The following TOM1L2 variants were observed in gnomAD, a reference collection of about 807,000 sequenced individuals.
The protein encoded by TOM1L2 is target of myb1 like 2 membrane trafficking protein, also known as TOM1-like protein 2.
A neutral mutation model predicts 67.9 loss-of-function variants in TOM1L2; 31 were observed. The ratio of observed to expected loss-of-function variants is 0.46; its 90% CI spans 0.34 to 0.62. The LOEUF (loss-of-function observed/expected upper bound fraction) is 0.62, where lower values mean the gene tolerates loss of function less well. Ranked by LOEUF, TOM1L2 falls within the 20% of genes least tolerant of loss-of-function variation. TOM1L2 has a pLI of 0.01. For missense variants in TOM1L2, 606 were observed against 663.5 expected (o/e 0.91, Z 0.95); for synonymous variants, 256 against 254.0 (o/e 1.01, Z -0.07).
Position 17,866,909 on chromosome 17 carries a change from C to G in TOM1L2, c.927G>C (p.Arg309Ser), listed in dbSNP as rs930707964. Reference protein sequence around the residue: ...FLRYERFERYRSGRSVQNASN... With the variant: ...FLRYERFERYSSGRSVQNASN... The stretch of plus-strand genomic sequence containing the variant: ...TGGCATTTTGAACGGATCGGCCAGA[C>G]CTGTATCGTTCGAACCTAACAGGGG... Residue 309 changes from arginine (R) to serine (S), a missense_variant, in exon 9 of 15, where the codon AGG becomes AGC. Physicochemically the swap from Arg to Ser is moderately radical, Grantham distance 110 (BLOSUM62 -1). Around this residue, in one of 2 missense-constraint regions of TOM1L2, gnomAD observed 543 missense variants for 554.0 expected, o/e 0.98. Coordinates refer to ENST00000379504, the MANE Select transcript of TOM1L2 (RefSeq NM_001082968.2). The G allele has an allele frequency of 6.2e-7, 1 of 1,614,004 alleles. No homozygotes were observed. The highest frequency in any genetic ancestry group is 1.1e-5 in the South Asian group (1 of 91,080).
chr17:17,850,944 A>G lies in TOM1L2; in HGVS notation c.1287T>C (p.Val429=). The change falls in exon 13 of 15, where the codon GTT becomes GTC. Residue 429 remains valine (V), a synonymous_variant. Transcript: ENST00000379504. ...TGTCGTCCATGACAGATGGCTGCGC[A>G]ACGGGGATCTATGGAGGCGGCAAGC... ...NRKQSSEGIP[V]AQPSVMDDIE... 1 of 1,613,936 alleles carries G rather than the reference A, an allele frequency of 6.2e-7. No homozygotes were observed. Among genetic ancestry groups the G allele is most frequent in the South Asian group, 1.1e-5 (1 of 91,086 alleles).
At position 17,921,025 on chromosome 17, in the gene TOM1L2, G is replaced by C. The variant is rs548736625; in HGVS notation, c.53-13494C>G. On this transcript the variant is annotated intron_variant, in intron 1 of 14. Transcript: ENST00000379504. ...TTAACTGAACTCCAGATGTTATTTGGATTTCTCCAGTTTTTCCAATAATGC... is the reference window on the plus strand; with the variant it reads ...TTAACTGAACTCCAGATGTTATTTGCATTTCTCCAGTTTTTCCAATAATGC... Among the ~76,000 whole-genome samples, 3 of 152,266 alleles carry C rather than the reference G, an allele frequency of 2.0e-5. No individual in the cohort carries two copies. In the South Asian group the frequency reaches 6.2e-4, roughly 32 times the overall value.
intron 1 of TOM1L2, among the ~76,000 whole-genome samples, chr17:17,964,654 A>G (rs577814180): frequency 1.3e-5 from 2 of 152,318 alleles, no homozygotes; most frequent in East Asian, 3.9e-4. Context: ...GCACTTTGGG[A>G]GGCTGAAGCG....
chr17:17,882,710 C>T lies in TOM1L2; in HGVS notation c.655G>A (p.Glu219Lys). ...GCCCCGAAGTATGCAAGTACCTGTT[C>T]TGAATTGGCTGTGATGGGGCCAGTC... ...SVTGPITANSEQIARLRSELD... is the reference protein window; with the variant it reads ...SVTGPITANSKQIARLRSELD... Residue 219 changes from glutamate to lysine, a missense_variant, in exon 6 of 15, where the codon GAA (glutamate) becomes AAA (lysine). This residue lies in a region of TOM1L2 where 543 missense variants were observed against 554.0 expected (regional missense o/e 0.98). Coordinates refer to ENST00000379504, the MANE Select transcript of TOM1L2 (RefSeq NM_001082968.2). The T allele has an allele frequency of 6.2e-7, 1 of 1,614,142 alleles. No individual in the cohort carries two copies. Among genetic ancestry groups the T allele is most frequent in the Non-Finnish European group, 8.5e-7 (1 of 1,179,976 alleles).
intron 7 of TOM1L2, among the ~76,000 whole-genome samples, chr17:17,873,018 A>G (rs892607520): frequency 2.0e-5 from 3 of 152,242 alleles, no homozygotes; most frequent in African/African-American, 7.2e-5. Flanking sequence ...CCCACAGGCC[A>G]TCTTCAAATA....
At chr17:17,866,482 C>T in intron 9 of TOM1L2, 63 bp from the exon 10 acceptor site, 1 of 1,503,842 alleles carries the variant, frequency 6.6e-7, no homozygotes, top group South Asian at 1.3e-5. Flanking sequence ...GAGGTAGAAG[C>T]TGGCAAGGCA....
chr17:17,944,611 C>T (rs184874285), intron 1 of TOM1L2, among the ~76,000 whole-genome samples: 4 of 152,276 alleles, frequency 2.6e-5, no homozygotes, highest in Admixed American at 6.5e-5. Flanking sequence ...TTATTCTCCC[C>T]AAAGCACCAG....
chr17:17,888,878 G>C (rs1405610957), intron 4 of TOM1L2, among the ~76,000 whole-genome samples: 3 of 152,198 alleles, frequency 2.0e-5, no homozygotes, highest in Non-Finnish European at 4.4e-5. Flanking sequence ...CAAACAAAAA[G>C]GGACACAAGC....
intron 10 of TOM1L2, 108 bp downstream of exon 10, chr17:17,866,188 T>C: frequency 3.0e-6 from 4 of 1,342,392 alleles, no homozygotes; most frequent in Non-Finnish European, 4.0e-6. Context: ...TCACATGTAT[T>C]TCCCAAAAGA....
chr17:17,900,033 G>A (rs867141824), intron 2 of TOM1L2, among the ~76,000 whole-genome samples: 2 of 152,108 alleles, frequency 1.3e-5, no homozygotes, highest in Non-Finnish European at 2.9e-5. Flanking sequence ...CCAACATGGT[G>A]AAACCCCGTC....
intron 12 of TOM1L2, chr17:17,857,659 G>T: frequency 1.1e-6 from 1 of 942,492 alleles, no homozygotes; most frequent in Non-Finnish European, 1.6e-6. Context: ...GTGTGGCCTT[G>T]TACTGTCTGA....
rs1027065645 is a variant in TOM1L2 at position 17,845,981 on chromosome 17, CCT to C, written c.*1652_*1653del. ...CCCACCCTCAGCCAGACAGAGGTTT[CCT>C]CTCTGGAGGGAGCTGGAGGGCTGCT... On this transcript the variant is annotated 3_prime_UTR_variant, in exon 15 of 15. Coordinates refer to ENST00000379504, the MANE Select transcript of TOM1L2 (RefSeq NM_001082968.2). 6.6e-6 allele frequency: 1 copy of C among 152,354 alleles called. No individual in the cohort carries two copies. The highest frequency in any genetic ancestry group is 2.4e-5 in the African/African-American group (1 of 41,456). 9.4% of individuals were successfully genotyped at this position (152,354 alleles called of 1,614,324 possible). A position where few individuals can be genotyped will look rare whatever the true frequency, so the allele number is the denominator to read the frequency against.
At chr17:17,906,857 TA>T (rs1191058233) in intron 2 of TOM1L2, among the ~76,000 whole-genome samples, 1 of 152,220 alleles carries the variant, frequency 6.6e-6, no homozygotes, top group Non-Finnish European at 1.5e-5. Context: ...GACAGAGGGC[TA>T]AATACAGACC....
At chr17:17,913,728 G>A (rs188910664) in intron 1 of TOM1L2, among the ~76,000 whole-genome samples, 68 of 152,290 alleles carry the variant, frequency 4.5e-4, no homozygotes, top group African/African-American at 1.5e-3. Context: ...CACTGACCCT[G>A]AGGATAAGTT....
chr17:17,924,994 CAGTTA>C (rs910894056), intron 1 of TOM1L2, among the ~76,000 whole-genome samples: 4 of 152,108 alleles, frequency 2.6e-5, no homozygotes, highest in Admixed American at 2.6e-4. Flanking sequence ...AATATCTGGT[CAGTTA>C]AAAGTGTGTG....
At chr17:17,934,930 C>T (rs1232220828) in intron 1 of TOM1L2, among the ~76,000 whole-genome samples, 1 of 152,180 alleles carries the variant, frequency 6.6e-6, no homozygotes, top group South Asian at 2.1e-4. Flanking sequence ...AAGAGAAATG[C>T]GGGTTCATTA....
intron 1 of TOM1L2, among the ~76,000 whole-genome samples, chr17:17,946,720 G>C (rs893559958): frequency 6.6e-6 from 1 of 151,950 alleles, no homozygotes; most frequent in Admixed American, 6.6e-5. Flanking sequence ...ATTGGTCTAA[G>C]TATTGATCTA....
At chr17:17,928,267 G>A (rs886625202) in intron 1 of TOM1L2, among the ~76,000 whole-genome samples, 2 of 152,198 alleles carry the variant, frequency 1.3e-5, no homozygotes, top group African/African-American at 4.8e-5. Context: ...CTGCAAAGAT[G>A]CATAATTGAG....
At chr17:17,883,403 G>C (rs1012834342) in intron 5 of TOM1L2, among the ~76,000 whole-genome samples, 6 of 152,190 alleles carry the variant, frequency 3.9e-5, no homozygotes, top group Admixed American at 1.3e-4. Context: ...CATAGCGCGT[G>C]GTCTGGAGGG....
Sources: gnomAD v4.1 joint callset for allele counts (sites outside exome capture counted in the v4.1 genomes callset) on GRCh38, gnomAD v4.1.1 for gene constraint, gnomAD v4.1.1 regional missense constraint, MANE v1.5 for transcripts, NCBI Gene and HGNC (gene_info 2026-07-23, HGNC 2026-07-21) for gene names.